The following TAFA1 variants were observed in gnomAD, a reference collection of about 807,000 sequenced individuals.
TAFA1 encodes the protein chemokine-like protein TAFA-1.
TAFA1 carries 4 observed loss-of-function variants against 18.5 expected under a neutral mutation model. The ratio of observed to expected loss-of-function variants is 0.22; its 90% CI spans 0.11 to 0.49. The LOEUF is 0.49. TAFA1 is among the 20% of genes least tolerant of loss of function. The probability of loss-of-function intolerance (pLI) is 0.98; values close to 1 mark genes in which losing one functional copy is unlikely to be tolerated. For missense variants in TAFA1, 147 were observed against 169.0 expected (o/e 0.87, Z 0.72); for synonymous variants, 56 against 55.2 (o/e 1.01, Z -0.06).
At chr3:68,462,224 A>G (rs2071797440) in intron 3 of TAFA1, among the ~76,000 whole-genome samples, 1 of 152,190 alleles carries the variant, frequency 6.6e-6, no homozygotes, top group Non-Finnish European at 1.5e-5. Context: ...CATAATAGAT[A>G]ACTGATATGG....
At chr3:68,060,846 G>C (rs1056880224) in intron 2 of TAFA1, among the ~76,000 whole-genome samples, 1 of 152,166 alleles carries the variant, frequency 6.6e-6, no homozygotes, top group Admixed American at 6.5e-5. Context: ...GCTGGCTTTT[G>C]ATTGCTCTTG....
intron 2 of TAFA1, among the ~76,000 whole-genome samples, chr3:68,171,168 G>C (rs185306062): frequency 3.9e-4 from 60 of 152,230 alleles, no homozygotes; most frequent in African/African-American, 1.4e-3. Context: ...AATCACAAAG[G>C]TTCTTTAAAT....
intron 2 of TAFA1, among the ~76,000 whole-genome samples, chr3:68,110,168 C>T (rs1559523742): frequency 1.3e-5 from 2 of 152,082 alleles, no homozygotes; most frequent in Admixed American, 6.6e-5. Flanking sequence ...TGTTGTTTCC[C>T]CTACCATGTG....
intron 2 of TAFA1, among the ~76,000 whole-genome samples, chr3:68,347,939 T>C (rs9816207): frequency 0.033 from 5,067 of 152,150 alleles, 287 homozygotes; most frequent in African/African-American, 0.12. Flanking sequence ...GCTGCAAGGG[T>C]TTCAGGTGGG....
chr3:68,102,958 T>C (rs2065165008), intron 2 of TAFA1, among the ~76,000 whole-genome samples: 1 of 152,186 alleles, frequency 6.6e-6, no homozygotes, highest in Non-Finnish European at 1.5e-5. Flanking sequence ...CCTAGGATTC[T>C]CAGCATAAGT....
intron 2 of TAFA1, among the ~76,000 whole-genome samples, chr3:68,275,245 A>AGC: frequency 6.6e-6 from 1 of 152,224 alleles, no homozygotes; most frequent in Admixed American, 6.5e-5. Flanking sequence ...GCAAATAATT[A>AGC]AAATGTAATA....
intron 2 of TAFA1, among the ~76,000 whole-genome samples, chr3:68,196,909 C>G (rs1374957482): frequency 2.6e-5 from 4 of 151,732 alleles, no homozygotes; most frequent in African/African-American, 9.7e-5. Flanking sequence ...ATCCTTCTGG[C>G]CATTGAAAGT....
At chr3:68,323,942 C>T (rs1332531087) in intron 2 of TAFA1, among the ~76,000 whole-genome samples, 2 of 152,136 alleles carry the variant, frequency 1.3e-5, no homozygotes, top group South Asian at 2.1e-4. Flanking sequence ...AGAAGGGCAC[C>T]TATGTCTCCA....
intron 2 of TAFA1, among the ~76,000 whole-genome samples, chr3:68,076,660 G>A (rs2064829324): frequency 6.6e-6 from 1 of 152,260 alleles, no homozygotes; most frequent in South Asian, 2.1e-4. Flanking sequence ...TGGCTGTATA[G>A]TATTCCATGG....
At chr3:68,531,530 G>A (rs2073188413) in intron 3 of TAFA1, among the ~76,000 whole-genome samples, 1 of 152,078 alleles carries the variant, frequency 6.6e-6, no homozygotes, top group Non-Finnish European at 1.5e-5. Context: ...TGACCCGCCA[G>A]CACTTGGGAA....
At chr3:68,362,980 C>CTTT (rs10681792) in intron 2 of TAFA1, among the ~76,000 whole-genome samples, 1,543 of 74,956 alleles carry the variant, frequency 0.021, 89 homozygotes, top group South Asian at 0.053. Flanking sequence ...GTCTTGCAGG[C>CTTT]TTTTTTTTTT....
chr3:68,523,683 A>G (rs2073062181), intron 3 of TAFA1, among the ~76,000 whole-genome samples: 1 of 152,216 alleles, frequency 6.6e-6, no homozygotes, highest in Non-Finnish European at 1.5e-5. Flanking sequence ...GATCATTTTC[A>G]TATTCCTAGT....
chr3:68,090,405 G>C (rs2065016785), intron 2 of TAFA1, among the ~76,000 whole-genome samples: 1 of 152,126 alleles, frequency 6.6e-6, no homozygotes, highest in South Asian at 2.1e-4. Context: ...TTTACATTAA[G>C]ATTTGGTATC....
intron 2 of TAFA1, among the ~76,000 whole-genome samples, chr3:68,081,801 C>T (rs1443272850): frequency 6.6e-6 from 1 of 152,228 alleles, no homozygotes; most frequent in East Asian, 1.9e-4. Context: ...GTGGAGCCTA[C>T]AGAGGCAGGC....
intron 2 of TAFA1, among the ~76,000 whole-genome samples, chr3:68,393,279 A>G (rs140190462): frequency 0.027 from 4,145 of 152,240 alleles, 65 homozygotes; most frequent in Middle Eastern, 0.041. Flanking sequence ...ATTCCTGGAC[A>G]CATACACCCT....
At chr3:68,083,577 C>A (rs1371594972) in intron 2 of TAFA1, among the ~76,000 whole-genome samples, 1 of 152,162 alleles carries the variant, frequency 6.6e-6, no homozygotes, top group Non-Finnish European at 1.5e-5. Flanking sequence ...GTCACTAGGC[C>A]TATGGGCTCT....
intron 2 of TAFA1, among the ~76,000 whole-genome samples, chr3:68,302,915 A>G (rs915989506): frequency 1.3e-5 from 2 of 152,204 alleles, no homozygotes; most frequent in Admixed American, 6.5e-5. Flanking sequence ...AAGTTCTACT[A>G]CTAACTGTCC....
At chr3:68,539,744 G>A (rs1020771691) in intron 4 of TAFA1, among the ~76,000 whole-genome samples, 5 of 144,990 alleles carry the variant, frequency 3.4e-5, no homozygotes, top group Admixed American at 2.8e-4. Context: ...GTGCATGCCT[G>A]TGTGTGTTTT....
intron 2 of TAFA1, among the ~76,000 whole-genome samples, chr3:68,278,550 C>T (rs771767409): frequency 6.6e-6 from 1 of 152,098 alleles, no homozygotes; most frequent in Non-Finnish European, 1.5e-5. Context: ...TCTTAAAGCT[C>T]ACAGCCATGC....
Sources: gnomAD v4.1 joint callset for allele counts (sites outside exome capture counted in the v4.1 genomes callset) on GRCh38, gnomAD v4.1.1 for gene constraint, MANE v1.5 for transcripts, NCBI Gene and HGNC (gene_info 2026-07-23, HGNC 2026-07-21) for gene names.